The following WWOX variants were observed in gnomAD, a reference collection of about 807,000 sequenced individuals.
WWOX encodes the protein WW domain-containing oxidoreductase.
A neutral mutation model predicts 46.2 loss-of-function variants in WWOX; 69 were observed. The ratio of observed to expected loss-of-function variants is 1.49; its 90% CI spans 1.23 to 1.82. The LOEUF is 1.82. Ranked by LOEUF, WWOX falls within the 40% of genes most tolerant of loss-of-function variation. The probability of loss-of-function intolerance (pLI) is 0.00; values close to 1 mark genes in which losing one functional copy is unlikely to be tolerated. For missense variants in WWOX, 919 were observed against 542.6 expected, an observed-to-expected ratio of 1.69 and a Z score of -6.89; for synonymous variants, 359 against 202.6, an observed-to-expected ratio of 1.77 and a Z score of -6.56.
intron 8 of WWOX, among the ~76,000 whole-genome samples, chr16:79,067,686 A>C (rs2048468267): frequency 6.6e-6 from 1 of 151,802 alleles, no homozygotes; most frequent in Non-Finnish European, 1.5e-5. Context: ...TGTGCATTTC[A>C]GGTTGGTCTT....
At chr16:78,391,460 C>G (rs1037785134) in intron 6 of WWOX, among the ~76,000 whole-genome samples, 1 of 152,220 alleles carries the variant, frequency 6.6e-6, no homozygotes, top group Admixed American at 6.5e-5. Flanking sequence ...GAACCCAAAT[C>G]TCTCTGAATC....
chr16:78,498,204 CAA>C (rs530261157), intron 8 of WWOX, among the ~76,000 whole-genome samples: 1 of 19,536 alleles, frequency 5.1e-5, no homozygotes, highest in Non-Finnish European at 1.6e-4. Flanking sequence ...GACTCCATCT[CAA>C]AAAAAAAAAA....
At chr16:78,835,909 G>C (rs1297630781) in intron 8 of WWOX, among the ~76,000 whole-genome samples, 1 of 152,148 alleles carries the variant, frequency 6.6e-6, no homozygotes, top group Non-Finnish European at 1.5e-5. Context: ...GCTCTGAGTT[G>C]TATCCTCAGA....
At chr16:79,098,755 T>C (rs533616182) in intron 8 of WWOX, among the ~76,000 whole-genome samples, 1 of 152,334 alleles carries the variant, frequency 6.6e-6, no homozygotes, top group Non-Finnish European at 1.5e-5. Flanking sequence ...TACACTTTGT[T>C]GGAAAGTGGA....
intron 8 of WWOX, among the ~76,000 whole-genome samples, chr16:79,161,158 C>T (rs1351141676): frequency 6.6e-6 from 1 of 152,138 alleles, no homozygotes; most frequent in Non-Finnish European, 1.5e-5. Context: ...GACTCACTTC[C>T]AGGATAGAAG....
chr16:78,330,557 C>A (rs8054488), intron 5 of WWOX, among the ~76,000 whole-genome samples: 2 of 152,168 alleles, frequency 1.3e-5, no homozygotes, highest in African/African-American at 4.8e-5. Context: ...CCACCACCGC[C>A]AGCTAATTTT....
chr16:78,469,613 A>G (rs1203261397), intron 8 of WWOX, among the ~76,000 whole-genome samples: 1 of 152,226 alleles, frequency 6.6e-6, no homozygotes, highest in Non-Finnish European at 1.5e-5. Flanking sequence ...AACAAACTTG[A>G]AAAGCATAGC....
At chr16:78,193,902 G>A (rs1241777532) in intron 5 of WWOX, among the ~76,000 whole-genome samples, 2 of 149,212 alleles carry the variant, frequency 1.3e-5, no homozygotes, top group African/African-American at 2.5e-5. Context: ...TTTTGAGACG[G>A]ACTCTCGCAC....
At chr16:78,846,724 G>A (rs9927881) in intron 8 of WWOX, among the ~76,000 whole-genome samples, 3,398 of 152,088 alleles carry the variant, frequency 0.022, 125 homozygotes, top group African/African-American at 0.079. Flanking sequence ...AATATATTGG[G>A]GGAGGTACTT....
At chr16:79,078,573 C>T (rs2048703092) in intron 8 of WWOX, among the ~76,000 whole-genome samples, 1 of 152,274 alleles carries the variant, frequency 6.6e-6, no homozygotes, top group South Asian at 2.1e-4. Context: ...ATTAAGCATC[C>T]CTCGCCATAG....
chr16:78,971,609 A>T (rs1366195947), intron 8 of WWOX, among the ~76,000 whole-genome samples: 3 of 152,056 alleles, frequency 2.0e-5, no homozygotes. Context: ...AAGAAAAAGG[A>T]AGGGTACTGG....
intron 8 of WWOX, among the ~76,000 whole-genome samples, chr16:78,621,973 G>A (rs1270369481): frequency 3.9e-5 from 6 of 152,020 alleles, no homozygotes; most frequent in Non-Finnish European, 5.9e-5. Flanking sequence ...TTTTCTTGAT[G>A]TTTTAGTGCT....
chr16:78,132,559 G>A (rs1200561822), intron 4 of WWOX, among the ~76,000 whole-genome samples: 1 of 152,174 alleles, frequency 6.6e-6, no homozygotes, highest in Non-Finnish European at 1.5e-5. Flanking sequence ...AGGTCATCCA[G>A]TATCTTGATG....
chr16:78,644,952 T>C (rs1472178403), intron 8 of WWOX, among the ~76,000 whole-genome samples: 1 of 152,196 alleles, frequency 6.6e-6, no homozygotes, highest in Non-Finnish European at 1.5e-5. Flanking sequence ...TTTGAACTCG[T>C]TACTATTAGT....
intron 8 of WWOX, among the ~76,000 whole-genome samples, chr16:78,862,020 G>C (rs146984157): frequency 4.5e-4 from 68 of 152,118 alleles, no homozygotes; most frequent in Admixed American, 8.5e-4. Flanking sequence ...TCTATGTATA[G>C]ATATAGATAC....
chr16:78,931,018 C>G (rs1489902839), intron 8 of WWOX, among the ~76,000 whole-genome samples: 1 of 152,140 alleles, frequency 6.6e-6, no homozygotes, highest in African/African-American at 2.4e-5. Context: ...ATATCTATCT[C>G]CTACACCTGA....
intron 8 of WWOX, among the ~76,000 whole-genome samples, chr16:79,049,554 G>C (rs16949409): frequency 0.41 from 61,668 of 152,000 alleles, 13,931 homozygotes; most frequent in African/African-American, 0.61. Context: ...CTGCATCTGA[G>C]TGGCAGGGCG....
intron 8 of WWOX, among the ~76,000 whole-genome samples, chr16:78,676,238 T>G (rs991325385): frequency 6.6e-6 from 1 of 151,708 alleles, no homozygotes; most frequent in Non-Finnish European, 1.5e-5. Context: ...AGCGGGATGC[T>G]CTCTACAGAG....
At chr16:78,169,004 C>G (rs545459837) in intron 5 of WWOX, among the ~76,000 whole-genome samples, 1 of 152,160 alleles carries the variant, frequency 6.6e-6, no homozygotes, top group South Asian at 2.1e-4. Context: ...AAAGGCCAAT[C>G]CATTTGGCAT....
Sources: gnomAD v4.1 joint callset for allele counts (sites outside exome capture counted in the v4.1 genomes callset) on GRCh38, gnomAD v4.1.1 for gene constraint, MANE v1.5 for transcripts, NCBI Gene and HGNC (gene_info 2026-07-23, HGNC 2026-07-21) for gene names.